The following SLC13A3 variants were observed in gnomAD, a reference collection of about 807,000 sequenced individuals.
SLC13A3 encodes the protein Na(+)/dicarboxylate cotransporter 3.
SLC13A3 carries 40 observed loss-of-function variants against 59.0 expected under a neutral mutation model. The observed-to-expected ratio is 0.68, with a 90% CI of 0.53 to 0.88. The LOEUF (loss-of-function observed/expected upper bound fraction) is 0.88. Ranked by LOEUF, SLC13A3 falls within the 40% of genes least tolerant of loss-of-function variation. The probability of loss-of-function intolerance (pLI) is 0.00; values close to 1 mark genes in which losing one functional copy is unlikely to be tolerated. For missense variants in SLC13A3, 699 were observed against 783.2 expected, an observed-to-expected ratio of 0.89 and a Z score of 1.28; for synonymous variants, 317 against 330.3, an observed-to-expected ratio of 0.96 and a Z score of 0.44.
intron 1 of SLC13A3, among the ~76,000 whole-genome samples, chr20:46,663,110 G>A (rs2063041468): frequency 6.6e-6 from 1 of 152,080 alleles, no homozygotes; most frequent in Admixed American, 6.6e-5. Flanking sequence ...AACATAGTGA[G>A]ATATCATCGC....
At chr20:46,644,083 T>C (rs1332425829) in intron 1 of SLC13A3, among the ~76,000 whole-genome samples, 1 of 152,120 alleles carries the variant, frequency 6.6e-6, no homozygotes, top group Non-Finnish European at 1.5e-5. Flanking sequence ...GACCAATGCC[T>C]AAGACAGGGT....
intron 1 of SLC13A3, among the ~76,000 whole-genome samples, chr20:46,666,493 G>GTTGTTGTTGTTGTTA (rs2063063363): frequency 1.3e-5 from 2 of 151,714 alleles, no homozygotes; most frequent in Non-Finnish European, 2.9e-5. Flanking sequence ...TGTTGTTGTT[G>GTTGTTGTTGTTGTTA]TTGTTGTTGT....
intron 1 of SLC13A3, among the ~76,000 whole-genome samples, chr20:46,615,089 C>G (rs990010825): frequency 6.6e-6 from 1 of 152,204 alleles, no homozygotes; most frequent in Non-Finnish European, 1.5e-5. Context: ...TCTGATGCAT[C>G]CGTGTCCCAC....
At chr20:46,580,861 C>T (rs1335006315) in intron 9 of SLC13A3, among the ~76,000 whole-genome samples, 1 of 152,212 alleles carries the variant, frequency 6.6e-6, no homozygotes, top group Non-Finnish European at 1.5e-5. Flanking sequence ...CTACCATTGC[C>T]ATGGCAACAC....
chr20:46,656,293 A>G (rs13037479), upstream of SLC13A3, among the ~76,000 whole-genome samples: 10,549 of 68,068 alleles, frequency 0.15, 1,548 homozygotes, highest in Middle Eastern at 0.3. Context: ...TACTGTATAT[A>G]ATATACTATA....
chr20:46,673,099 T>C (rs1029987559), upstream of SLC13A3, among the ~76,000 whole-genome samples: 1 of 152,162 alleles, frequency 6.6e-6, no homozygotes, highest in African/African-American at 2.4e-5. Context: ...TGAGCCTCCA[T>C]GGCCTTGTGG....
At chr20:46,661,753 T>A (rs1028223960) in intron 1 of SLC13A3, among the ~76,000 whole-genome samples, 2 of 152,130 alleles carry the variant, frequency 1.3e-5, no homozygotes, top group African/African-American at 4.8e-5. Context: ...TATAAGCTTC[T>A]GATAGTCAAA....
intron 1 of SLC13A3, among the ~76,000 whole-genome samples, chr20:46,645,432 T>C (rs1389331455): frequency 6.6e-6 from 1 of 152,232 alleles, no homozygotes; most frequent in Non-Finnish European, 1.5e-5. Context: ...CCAAGCTTCA[T>C]GGTGGCAAGA....
At chr20:46,589,127 A>C in intron 7 of SLC13A3, 33 bp downstream of exon 7, 2 of 1,584,754 alleles carry the variant, frequency 1.3e-6, no homozygotes, top group Non-Finnish European at 8.7e-7. Flanking sequence ...TTTAATACTC[A>C]GCTCTTTCCT....
intron 10 of SLC13A3, among the ~76,000 whole-genome samples, chr20:46,571,047 T>G (rs1325300840): frequency 6.6e-6 from 1 of 152,192 alleles, no homozygotes; most frequent in African/African-American, 2.4e-5. Context: ...AAACACGTCC[T>G]TCTTCACATG....
intron 10 of SLC13A3, 77 bp from the exon 11 acceptor site, chr20:46,566,467 A>C: frequency 6.7e-7 from 1 of 1,492,678 alleles, no homozygotes; most frequent in Non-Finnish European, 9.1e-7. Flanking sequence ...AGGATAGATC[A>C]CAACAATGAC....
chr20:46,582,712 A>G (rs1765703974), intron 9 of SLC13A3: 5 of 985,324 alleles, frequency 5.1e-6, no homozygotes, highest in Non-Finnish European at 6.0e-6. Flanking sequence ...TGACTCTTCC[A>G]TGGCTGGGGC....
rs981724214 is a variant in SLC13A3, at chr20:46,558,938, C to A, written c.*1084G>T. 6.6e-6 allele frequency: 1 copy of A among 151,966 alleles called. No individual in the cohort carries two copies. The highest frequency in any genetic ancestry group is 2.4e-5 in the African/African-American group (1 of 41,376). The allele number at this position is 151,966 out of a possible 1,614,324, so 9.4% of individuals were successfully genotyped here. On this transcript the variant is annotated 3_prime_UTR_variant, in exon 13 of 13. Coordinates refer to ENST00000279027, the MANE Select transcript of SLC13A3 (RefSeq NM_022829.6). ...AGGGATTAACCCTTGAAGGCAGACACCACTTCCAGCCTCGGGCTCACGGGG... is the reference window on the plus strand; with the variant it reads ...AGGGATTAACCCTTGAAGGCAGACAACACTTCCAGCCTCGGGCTCACGGGG...
chr20:46,650,395 C>A (rs1410767241), intron 1 of SLC13A3, among the ~76,000 whole-genome samples: 1 of 152,108 alleles, frequency 6.6e-6, no homozygotes, highest in Non-Finnish European at 1.5e-5. Flanking sequence ...ATAATCTTTC[C>A]CCTCTGAGAC....
At chr20:46,661,640 T>C (rs915284891) in intron 1 of SLC13A3, among the ~76,000 whole-genome samples, 2 of 152,184 alleles carry the variant, frequency 1.3e-5, no homozygotes, top group Admixed American at 1.3e-4. Context: ...TTCCTGCACC[T>C]GGGAGGATTT....
At chr20:46,658,568 C>G (rs1568961366) in intron 1 of SLC13A3, among the ~76,000 whole-genome samples, 1 of 152,210 alleles carries the variant, frequency 6.6e-6, no homozygotes, top group Non-Finnish European at 1.5e-5. Context: ...GTAATCCCAG[C>G]ACTTTGGGAG....
chr20:46,632,015 G>A (rs931542686), intron 1 of SLC13A3, among the ~76,000 whole-genome samples: 4 of 152,094 alleles, frequency 2.6e-5, no homozygotes, highest in African/African-American at 9.7e-5. Flanking sequence ...GCTCCCTGCT[G>A]GGCTGCAGCT....
At chr20:46,574,443 C>A (rs1183893100) in intron 10 of SLC13A3, among the ~76,000 whole-genome samples, 1 of 152,190 alleles carries the variant, frequency 6.6e-6, no homozygotes, top group African/African-American at 2.4e-5. Flanking sequence ...CGTTGCACTG[C>A]CTCTGAGCTG....
chr20:46,566,022 A>T (rs772885512), intron 11 of SLC13A3, among the ~76,000 whole-genome samples: 1 of 152,260 alleles, frequency 6.6e-6, no homozygotes, highest in East Asian at 1.9e-4. Context: ...AATTGGGAGC[A>T]CTTTGAAAAT....
Sources: allele counts gnomAD v4.1 joint callset (sites outside exome capture counted in the v4.1 genomes callset), GRCh38; gene constraint gnomAD v4.1.1; transcripts MANE v1.5; gene names NCBI Gene and HGNC (gene_info 2026-07-23, HGNC 2026-07-21).